The following PCDHGB4 variants were observed in gnomAD, a reference collection of about 807,000 sequenced individuals.
PCDHGB4 encodes protocadherin gamma subfamily B, 4, also known as protocadherin gamma-B4.
A neutral mutation model predicts 60.5 loss-of-function variants in PCDHGB4; 38 were observed. That is an observed-to-expected ratio of 0.63 (90% CI 0.48 to 0.82). The LOEUF is 0.82. PCDHGB4 is among the 40% of genes least tolerant of loss of function. The pLI is 0.00. For missense variants in PCDHGB4, 1,109 were observed against 1,209.6 expected, an observed-to-expected ratio of 0.92 and a Z score of 1.23; for synonymous variants, 456 against 509.7, an observed-to-expected ratio of 0.89 and a Z score of 1.42.
At chr5:141,426,826 T>C (rs2096963111) in intron 1 of PCDHGB4, 1 of 456,600 alleles carries the variant, frequency 2.2e-6, no homozygotes, top group Admixed American at 2.3e-5. Flanking sequence ...TCTCTGATGA[T>C]GGACAAGACT....
chr5:141,489,060 TC>T lies in PCDHGB4; in HGVS notation c.2398-5741del, dbSNP rs1037208652. 41 of 300,146 alleles carry T rather than the reference TC, an allele frequency of 1.4e-4. No individual in the cohort carries two copies. The highest frequency in any genetic ancestry group is 2.3e-4 in the Non-Finnish European group (38 of 162,914). The allele number at this position is 300,146 out of a possible 1,614,324, so 18.6% of individuals were successfully genotyped here. A position where few individuals can be genotyped will look rare whatever the true frequency, so the allele number is the denominator to read the frequency against. On this transcript the variant is annotated intron_variant, in intron 1 of 3. Coordinates refer to ENST00000519479, the MANE Select transcript of PCDHGB4 (RefSeq NM_003736.4). This position sits in a 1 kb window ranked among gnomAD's most constrained non-coding sequence, Gnocchi z 4.5. ...CAGCTCCACTCAAATTCAGCTCCCC[TC>T]CCCCCTGCCCACCCCCGCCACTCGG...
chr5:141,495,644 A>C (rs767670166), intron 2 of PCDHGB4, among the ~76,000 whole-genome samples: 1 of 151,770 alleles, frequency 6.6e-6, no homozygotes, highest in African/African-American at 2.4e-5. Flanking sequence ...TCATTTGTCT[A>C]CTTGCATTGA....
chr5:141,445,889 C>A (rs920382027), intron 1 of PCDHGB4, among the ~76,000 whole-genome samples: 6 of 152,110 alleles, frequency 3.9e-5, no homozygotes, highest in African/African-American at 1.4e-4. Context: ...TACTTAGGAG[C>A]TATTAAAATA....
chr5:141,457,279 G>A (rs948609305), intron 1 of PCDHGB4, among the ~76,000 whole-genome samples: 2 of 152,190 alleles, frequency 1.3e-5, no homozygotes, highest in African/African-American at 4.8e-5. Flanking sequence ...GTGGGCCTAC[G>A]AAGTTCCTTG....
rs532675537 is a variant in PCDHGB4, at chr5:141,508,584, T to C, written c.2546-2363T>C. Among the ~76,000 whole-genome samples, 87 of 152,266 alleles carry C rather than the reference T, an allele frequency of 5.7e-4. 1 individual carries two copies. Among genetic ancestry groups the C allele is most frequent in the African/African-American group, 1.6e-3 (66 of 41,552 alleles). On this transcript the variant is annotated intron_variant, in intron 3 of 3. Coordinates refer to ENST00000519479, the MANE Select transcript of PCDHGB4 (RefSeq NM_003736.4). The stretch of plus-strand genomic sequence containing the variant: ...TGTCACTTGCACCCACTCGGGGTGC[T>C]ACTCAGAGATCTTGGGTGCACATAG...
intron 1 of PCDHGB4, chr5:141,404,104 T>C (rs2094485215): frequency 1.2e-6 from 2 of 1,613,640 alleles, no homozygotes; most frequent in East Asian, 2.2e-5. Flanking sequence ...AAGTTGTCTG[T>C]TCTATCCAGG....
At position 141,431,982 on chromosome 5, in the gene PCDHGB4, T is replaced by G. The variant is rs2097433926; in HGVS notation, c.2397+41701T>G. The G allele has an allele frequency of 6.2e-7, 1 of 1,614,212 alleles. No homozygotes were observed. Among genetic ancestry groups the G allele is most frequent in the African/African-American group, 1.3e-5 (1 of 75,056 alleles). ...AATTACTATAGTTTAGTCACAGACA[T>G]AGTCTTGGATAGGGAACAGGTTCCT... On this transcript the variant is annotated intron_variant, in intron 1 of 3. Transcript: ENST00000519479. The surrounding 1 kb of genome is among the most constrained non-coding windows in gnomAD (Gnocchi z 4.8).
intron 1 of PCDHGB4, chr5:141,400,717 G>A: frequency 1.5e-6 from 1 of 672,320 alleles, no homozygotes; most frequent in Non-Finnish European, 2.5e-6. Context: ...TAGCCTTATA[G>A]ATTTACAAAG....
chr5:141,486,012 A>C lies in PCDHGB4; in HGVS notation c.2398-8795A>C. The C allele has an allele frequency of 1.9e-6, 3 of 1,614,064 alleles. No homozygotes were observed. The highest frequency in any genetic ancestry group is 2.5e-6 in the Non-Finnish European group (3 of 1,179,984). On this transcript the variant is annotated intron_variant, in intron 1 of 3. Coordinates refer to ENST00000519479, the MANE Select transcript of PCDHGB4 (RefSeq NM_003736.4). The surrounding 1 kb of genome is among the most constrained non-coding windows in gnomAD (Gnocchi z 5.0). ...GGTCCCAGTGGTAACGTCACCTTTT[A>C]TTTCAGTGGTCATACCCCTGATCGT...
intron 1 of PCDHGB4, among the ~76,000 whole-genome samples, chr5:141,396,846 C>T (rs2093443938): frequency 6.6e-6 from 1 of 152,166 alleles, no homozygotes; most frequent in Admixed American, 6.5e-5. Flanking sequence ...TGGGAGTTAA[C>T]TTCATAGTTT....
At chr5:141,499,021 GAAGGAAGA>G (rs1193940810) in intron 2 of PCDHGB4, among the ~76,000 whole-genome samples, 2 of 140,162 alleles carry the variant, frequency 1.4e-5, no homozygotes, top group East Asian at 2.1e-4. Flanking sequence ...AGGAAGGAAG[GAAGGAAGA>G]AAAGAAAGAA....
Position 141,399,953 on chromosome 5 carries a change from A to G in PCDHGB4, c.2397+9672A>G, listed in dbSNP as rs1257117587. ...TCCTACCACGTGCTGCAGGCTAGCGAGCCCGGGCTCTTCAGCCTGGGGCTG... is the reference window on the plus strand; with the variant it reads ...TCCTACCACGTGCTGCAGGCTAGCGGGCCCGGGCTCTTCAGCCTGGGGCTG... On this transcript the variant is annotated intron_variant, in intron 1 of 3. Coordinates refer to ENST00000519479, the MANE Select transcript of PCDHGB4 (RefSeq NM_003736.4). The G allele has an allele frequency of 2.5e-5, 40 of 1,612,030 alleles. 1 individual carries two copies. Among genetic ancestry groups the G allele is most frequent in the Non-Finnish European group, 3.4e-5 (40 of 1,179,690 alleles).
intron 1 of PCDHGB4, among the ~76,000 whole-genome samples, chr5:141,460,995 A>G (rs566978077): frequency 1.1e-4 from 17 of 150,188 alleles, no homozygotes; most frequent in South Asian, 2.1e-4. Flanking sequence ...ATATATATAT[A>G]TGTGTATATA....
chr5:141,418,578 CAGTGTT>C, intron 1 of PCDHGB4: 1 of 1,614,040 alleles, frequency 6.2e-7, no homozygotes, highest in African/African-American at 1.3e-5. Flanking sequence ...GACAACCCCC[CAGTGTT>C]CAGCCAGGAC....
chr5:141,400,245 C>T (rs778709619), intron 1 of PCDHGB4: 66 of 1,613,878 alleles, frequency 4.1e-5, no homozygotes, highest in African/African-American at 4.0e-5. Context: ...TGATTCTGGC[C>T]GTTGCCTTGC....
At chr5:141,452,281 T>G (rs948141174) in intron 1 of PCDHGB4, among the ~76,000 whole-genome samples, 2 of 152,232 alleles carry the variant, frequency 1.3e-5, no homozygotes, top group Non-Finnish European at 2.9e-5. Flanking sequence ...CCTTTCTTAC[T>G]TTCTGATATA....
Position 141,389,095 on chromosome 5 carries a change from CAG to C in PCDHGB4, c.1213_1214del (p.Asp405CysfsTer37), listed in dbSNP as rs759384103. ...TCAAGAAACACGTATAAATTAGTGA[CAG>C]ATGCTGTTCTAGACCGCGAGCAGAA... On this transcript the variant is annotated frameshift_variant, in exon 1 of 4. Coordinates refer to ENST00000519479, the MANE Select transcript of PCDHGB4 (RefSeq NM_003736.4). LOFTEE classifies it high-confidence loss of function. 2.5e-6 allele frequency: 4 copies of C among 1,613,906 alleles called. No individual in the cohort carries two copies. The highest frequency in any genetic ancestry group is 2.2e-5 in the South Asian group (2 of 91,084).
At chr5:141,408,301 C>G in intron 1 of PCDHGB4, 1 of 1,613,756 alleles carries the variant, frequency 6.2e-7, no homozygotes, top group Non-Finnish European at 8.5e-7. Context: ...GTGAGCCGAT[C>G]CGCTACTCGA....
At position 141,389,406 on chromosome 5, in the gene PCDHGB4, G is replaced by C. The variant is rs1235613335; in HGVS notation, c.1522G>C (p.Glu508Gln). ...GTCATCCTACGTGTCCATAAGCGCG[G>C]AGAGCGGGGTGGTGTTCGCGCAGCG... ...ELSSYVSISA[E>Q]SGVVFAQRAF... Residue 508 changes from glutamate (E) to glutamine (Q), a missense_variant, in exon 1 of 4, where the codon GAG becomes CAG. Physicochemically the swap from Glu to Gln is conservative, Grantham distance 29 (BLOSUM62 2). This residue lies in a region of PCDHGB4 where 1,068 missense variants were observed against 1,089.9 expected (regional missense o/e 0.98). Coordinates refer to ENST00000519479, the MANE Select transcript of PCDHGB4 (RefSeq NM_003736.4). The C allele has an allele frequency of 2.5e-6, 4 of 1,613,514 alleles. No individual in the cohort carries two copies. The highest frequency in any genetic ancestry group is 3.4e-6 in the Non-Finnish European group (4 of 1,179,916).
Sources: allele counts gnomAD v4.1 joint callset (sites outside exome capture counted in the v4.1 genomes callset), GRCh38; gene constraint gnomAD v4.1.1; regional missense constraint gnomAD v4.1.1; non-coding constraint Gnocchi (gnomAD v3.1); transcripts MANE v1.5; gene names NCBI Gene and HGNC (gene_info 2026-07-23, HGNC 2026-07-21).